The following CTNND2 variants were observed in gnomAD, a reference collection of about 807,000 sequenced individuals.
CTNND2 encodes catenin delta 2, also known as catenin delta-2.
A neutral mutation model predicts 144.4 loss-of-function variants in CTNND2; 22 were observed. The observed-to-expected ratio is 0.15, with a 90% CI of 0.11 to 0.22. CTNND2 has a LOEUF of 0.22. Ranked by LOEUF, CTNND2 falls within the 10% of genes least tolerant of loss-of-function variation. The pLI, the probability that CTNND2 is intolerant of heterozygous loss-of-function variation, is 1.00. For synonymous variants in CTNND2, 751 were observed against 695.6 expected, an observed-to-expected ratio of 1.08 and a Z score of -1.25; for missense variants, 1,353 against 1,618.8, an observed-to-expected ratio of 0.84 and a Z score of 2.82.
intron 2 of CTNND2, among the ~76,000 whole-genome samples, chr5:11,679,174 C>A (rs1784317242): frequency 6.6e-6 from 1 of 151,866 alleles, no homozygotes; most frequent in African/African-American, 2.4e-5. Flanking sequence ...TGAGGCACAC[C>A]CCTATCCTGG....
intron 7 of CTNND2, among the ~76,000 whole-genome samples, chr5:11,376,186 G>A (rs1019015230): frequency 6.6e-6 from 1 of 152,142 alleles, no homozygotes; most frequent in African/African-American, 2.4e-5. Context: ...TTGTTTGTAA[G>A]TTACACAATT....
At chr5:11,730,631 GAAAC>G (rs1438768681) in intron 2 of CTNND2, among the ~76,000 whole-genome samples, 2 of 152,100 alleles carry the variant, frequency 1.3e-5, no homozygotes, top group Non-Finnish European at 2.9e-5. Context: ...GTTTGCCAAA[GAAAC>G]AAACAACCAG....
chr5:11,393,248 T>C lies in CTNND2; in HGVS notation c.612+3783A>G, dbSNP rs568337777. ...ACACTTACCACTGTTCAGTTTTATT[T>C]TAGAGAACTATCATACAATTCTTAA... On this transcript the variant is annotated intron_variant, in intron 6 of 21. Coordinates refer to ENST00000304623, the MANE Select transcript of CTNND2 (RefSeq NM_001332.4). Among the ~76,000 whole-genome samples the C allele has an allele frequency of 5.9e-5, 9 of 152,334 alleles. No homozygotes were observed. In the South Asian group the frequency reaches 1.9e-3, roughly 32 times the overall value.
chr5:11,117,274 C>T (rs1024636989), intron 13 of CTNND2, among the ~76,000 whole-genome samples, 176 bp downstream of exon 13: 1 of 152,080 alleles, frequency 6.6e-6, no homozygotes, highest in African/African-American at 2.4e-5. Context: ...ATATCTAGAT[C>T]CATGCTAGAA....
chr5:11,094,316 G>A (rs6887954), intron 15 of CTNND2, among the ~76,000 whole-genome samples: 2,152 of 152,094 alleles, frequency 0.014, 58 homozygotes, highest in African/African-American at 0.049. Context: ...TTTATGACTC[G>A]CAGAGTAGAT....
chr5:11,418,103 C>T lies in CTNND2; in HGVS notation c.288-6034G>A, dbSNP rs78981474. Among the ~76,000 whole-genome samples the T allele has an allele frequency of 8.5e-4, 129 of 151,930 alleles. No individual in the cohort carries two copies. In the East Asian group the frequency reaches 0.01, roughly 12 times the overall value. The stretch of plus-strand genomic sequence containing the variant: ...TGACGCACTAACGAGGGTAAGATAT[C>T]GGTTTGAAAAGAGCTCTTTTGGGCC... On this transcript the variant is annotated intron_variant, in intron 3 of 21. Coordinates refer to ENST00000304623, the MANE Select transcript of CTNND2 (RefSeq NM_001332.4).
intron 9 of CTNND2, among the ~76,000 whole-genome samples, chr5:11,299,596 C>G (rs1221245626): frequency 6.6e-6 from 1 of 152,182 alleles, no homozygotes; most frequent in Non-Finnish European, 1.5e-5. Flanking sequence ...TCTGGAGAAG[C>G]TATGGTCATC....
intron 16 of CTNND2, among the ~76,000 whole-genome samples, chr5:11,037,207 T>G (rs973598511): frequency 6.6e-6 from 1 of 152,230 alleles, no homozygotes. Flanking sequence ...TGACTAATTA[T>G]TTATGAAACT....
chr5:11,229,808 C>T (rs1271266771), intron 10 of CTNND2, among the ~76,000 whole-genome samples: 2 of 151,646 alleles, frequency 1.3e-5, no homozygotes, highest in Non-Finnish European at 2.9e-5. Context: ...TGTACATACA[C>T]ACATATATAT....
chr5:11,812,063 A>T (rs1365262196), intron 1 of CTNND2, among the ~76,000 whole-genome samples: 2 of 152,230 alleles, frequency 1.3e-5, no homozygotes, highest in African/African-American at 2.4e-5. Flanking sequence ...TTTCTACCAA[A>T]TGGAAGCACT....
chr5:11,381,707 C>T (rs886488086), intron 7 of CTNND2, among the ~76,000 whole-genome samples: 16 of 152,198 alleles, frequency 1.1e-4, no homozygotes, highest in African/African-American at 3.6e-4. Flanking sequence ...GTGGCTCACG[C>T]CTGTAATCCC....
intron 1 of CTNND2, among the ~76,000 whole-genome samples, chr5:11,888,894 G>A (rs2127092474): frequency 6.6e-6 from 1 of 152,076 alleles, no homozygotes; most frequent in Non-Finnish European, 1.5e-5. Context: ...TGGGATTACA[G>A]GCACGTACCA....
intron 2 of CTNND2, among the ~76,000 whole-genome samples, chr5:11,600,726 A>AC (rs1779748655): frequency 6.6e-6 from 1 of 151,292 alleles, no homozygotes; most frequent in Non-Finnish European, 1.5e-5. Flanking sequence ...AAAAAAAAAA[A>AC]ATGAAGACTA....
intron 16 of CTNND2, among the ~76,000 whole-genome samples, chr5:11,024,014 A>G (rs555321336): frequency 7.2e-5 from 11 of 152,126 alleles, no homozygotes; most frequent in Non-Finnish European, 1.2e-4. Flanking sequence ...CCCATCCCCC[A>G]ATTAGGCACA....
At chr5:11,666,192 C>T (rs1255315828) in intron 2 of CTNND2, among the ~76,000 whole-genome samples, 2 of 152,156 alleles carry the variant, frequency 1.3e-5, no homozygotes, top group South Asian at 2.1e-4. Flanking sequence ...AGTTTGTGCA[C>T]TGCCAAAAAG....
chr5:11,347,717 G>C (rs1306036279), intron 8 of CTNND2, among the ~76,000 whole-genome samples: 1 of 152,198 alleles, frequency 6.6e-6, no homozygotes, highest in East Asian at 1.9e-4. Flanking sequence ...TGACATGGGT[G>C]CTCTATGGGA....
chr5:11,849,605 G>A (rs116076544), intron 1 of CTNND2, among the ~76,000 whole-genome samples: 1 of 152,246 alleles, frequency 6.6e-6, no homozygotes, highest in African/African-American at 2.4e-5. Flanking sequence ...GGTTTAGGTA[G>A]TGAGCACACT....
At chr5:11,164,123 C>G (rs1173230123) in intron 11 of CTNND2, among the ~76,000 whole-genome samples, 1 of 152,044 alleles carries the variant, frequency 6.6e-6, no homozygotes, top group African/African-American at 2.4e-5. Flanking sequence ...CATCATATCT[C>G]CTTCCTGGAC....
At chr5:11,129,720 A>G (rs964874400) in intron 12 of CTNND2, among the ~76,000 whole-genome samples, 2 of 152,062 alleles carry the variant, frequency 1.3e-5, no homozygotes, top group African/African-American at 2.4e-5. Flanking sequence ...CTAGGACATG[A>G]GTACACTGGA....
Sources: allele counts gnomAD v4.1 joint callset (sites outside exome capture counted in the v4.1 genomes callset), GRCh38; gene constraint gnomAD v4.1.1; transcripts MANE v1.5; gene names NCBI Gene and HGNC (gene_info 2026-07-23, HGNC 2026-07-21).